Variants in DARS1 observed in about 807,000 individuals in gnomAD.
DARS1 encodes aspartyl-tRNA synthetase 1.
Under a neutral mutation model 68.8 loss-of-function variants are expected in DARS1, and 51 were observed. The ratio of observed to expected loss-of-function variants is 0.74; its 90% confidence interval spans 0.59 to 0.94. The LOEUF (loss-of-function observed/expected upper bound fraction) is 0.94, where lower values mean the gene tolerates loss of function less well. Ranked by LOEUF, DARS1 falls within the 40% of genes least tolerant of loss-of-function variation. The probability of loss-of-function intolerance (pLI) is 0.00; values close to 1 mark genes in which losing one functional copy is unlikely to be tolerated. For synonymous variants in DARS1, 203 were observed against 190.4 expected (o/e 1.07, Z -0.55); for missense variants, 607 against 597.3 (o/e 1.02, Z -0.17).
chr2:135,908,017 T>C lies in DARS1; in HGVS notation c.1415-610A>G, dbSNP rs140727443. 3.9e-5 allele frequency among the ~76,000 whole-genome samples: 6 copies of C among 152,292 alleles called. No individual in the cohort carries two copies. The East Asian group carries it at 1.2e-3, about 29-fold the overall frequency. ...AATGAAAAAGCTCTTCAGGTATTGA[T>C]AGGAAACAAGTTACAAGATACATTA... is the stretch of plus-strand genomic sequence containing the variant. On this transcript the variant is annotated intron_variant, in intron 15 of 15. Coordinates refer to ENST00000264161, the MANE Select transcript of DARS1 (RefSeq NM_001349.4).
In DARS1 at chr2:135,985,602, C is replaced by A; in HGVS notation, c.-134G>T. The A allele has an allele frequency of 6.6e-7, 1 of 1,524,284 alleles. No individual in the cohort carries two copies. Among genetic ancestry groups the A allele is most frequent in the South Asian group, 1.2e-5 (1 of 82,726 alleles). 94.4% of individuals were successfully genotyped at this position (1,524,284 alleles called of 1,614,324 possible). A position where few individuals can be genotyped will look rare whatever the true frequency, so the allele number is the denominator to read the frequency against. On this transcript the variant is annotated 5_prime_UTR_variant, in exon 1 of 16. Coordinates refer to ENST00000264161, the MANE Select transcript of DARS1 (RefSeq NM_001349.4). ...TCTCAGCACACGCGCTCGGACTCCG[C>A]GTGGAGGTGCGGCTCCAGAAAGATC...
At chr2:135,965,198 C>T (rs1428986476) in intron 3 of DARS1, among the ~76,000 whole-genome samples, 1 of 151,934 alleles carries the variant, frequency 6.6e-6, no homozygotes, top group African/African-American at 2.4e-5. Flanking sequence ...GAATATTAAA[C>T]TATATCACGG....
chr2:135,941,025 G>C (rs894270033), intron 5 of DARS1, among the ~76,000 whole-genome samples: 21 of 152,286 alleles, frequency 1.4e-4, no homozygotes, highest in Admixed American at 6.5e-4. Flanking sequence ...ACAAACAAAT[G>C]GAAGAACATT....
At position 135,907,238 on chromosome 2, in the gene DARS1, C is replaced by CTTTTTTTTTT. The variant is rs869183598; in HGVS notation, c.*77_*78insAAAAAAAAAA. 1.4e-3 allele frequency: 986 copies of CTTTTTTTTTT among 725,048 alleles called. 21 individuals are homozygous for CTTTTTTTTTT. Among genetic ancestry groups the CTTTTTTTTTT allele is most frequent in the Middle Eastern group, 4.3e-3 (10 of 2,310 alleles). 44.9% of individuals were successfully genotyped at this position (725,048 alleles called of 1,614,324 possible). ...AGGTTACTGAAAAGAATAAGTGTGGCTTTCTTTTTTTTTTTTTTTTTTTGA... is the reference window on the plus strand; with the variant it reads ...AGGTTACTGAAAAGAATAAGTGTGGCTTTTTTTTTTTTTCTTTTTTTTTTTTTTTTTTTGA... On this transcript the variant is annotated 3_prime_UTR_variant, in exon 16 of 16. Coordinates refer to ENST00000264161, the MANE Select transcript of DARS1 (RefSeq NM_001349.4).
At chr2:135,957,418 G>A (rs958459133) in intron 4 of DARS1, among the ~76,000 whole-genome samples, 6 of 151,896 alleles carry the variant, frequency 4.0e-5, no homozygotes, top group African/African-American at 1.5e-4. Context: ...TAGTAGAGAC[G>A]GGTGTTAGCC....
intron 10 of DARS1, among the ~76,000 whole-genome samples, chr2:135,920,241 G>A (rs1261728546): frequency 6.6e-6 from 1 of 152,156 alleles, no homozygotes; most frequent in Admixed American, 6.5e-5. Context: ...CACAATAGAG[G>A]TTAATTAGTT....
chr2:135,934,111 C>T, intron 5 of DARS1, 121 bp from the exon 6 acceptor site: 3 of 1,402,414 alleles, frequency 2.1e-6, no homozygotes, highest in Non-Finnish European at 2.8e-6. Context: ...TTAATTGAAA[C>T]TACTTGCTGA....
intron 5 of DARS1, among the ~76,000 whole-genome samples, chr2:135,940,672 C>G (rs147081885): frequency 0.014 from 2,123 of 152,004 alleles, 43 homozygotes; most frequent in African/African-American, 0.038. Context: ...CAATCAGGCA[C>G]GAGAAAGGAA....
chr2:135,955,346 A>C (rs554490792), intron 4 of DARS1, among the ~76,000 whole-genome samples: 75 of 152,156 alleles, frequency 4.9e-4, no homozygotes, highest in African/African-American at 1.8e-3. Flanking sequence ...CTTACTATAT[A>C]CTCAATGATA....
At chr2:135,966,380 A>G (rs1682236730) in intron 3 of DARS1, among the ~76,000 whole-genome samples, 1 of 152,230 alleles carries the variant, frequency 6.6e-6, no homozygotes, top group African/African-American at 2.4e-5. Flanking sequence ...TTCTCACTTG[A>G]AAAGCTGGTA....
At chr2:135,938,872 T>A (rs1335890670) in intron 5 of DARS1, among the ~76,000 whole-genome samples, 2 of 152,050 alleles carry the variant, frequency 1.3e-5, no homozygotes, top group East Asian at 3.8e-4. Flanking sequence ...TAGTCTCTGA[T>A]AAAACAGACT....
At chr2:135,946,619 A>C (rs1681728996) in intron 4 of DARS1, among the ~76,000 whole-genome samples, 1 of 152,192 alleles carries the variant, frequency 6.6e-6, no homozygotes, top group African/African-American at 2.4e-5. Flanking sequence ...AACCCTGAGA[A>C]ATGGCTACCG....
intron 9 of DARS1, among the ~76,000 whole-genome samples, chr2:135,921,802 G>A (rs1318958762): frequency 1.3e-5 from 2 of 152,102 alleles, no homozygotes; most frequent in East Asian, 3.8e-4. Flanking sequence ...GGTAATCTGT[G>A]TGCATATTAA....
intron 4 of DARS1, among the ~76,000 whole-genome samples, chr2:135,952,474 A>G (rs1486051705): frequency 6.6e-6 from 1 of 152,158 alleles, no homozygotes; most frequent in African/African-American, 2.4e-5. Context: ...TGTTAACCAT[A>G]GTTACCCTAC....
intron 3 of DARS1, among the ~76,000 whole-genome samples, chr2:135,969,984 T>C (rs1338797774): frequency 2.0e-5 from 3 of 152,190 alleles, no homozygotes; most frequent in Non-Finnish European, 2.9e-5. Flanking sequence ...AAACAAAGCA[T>C]ATCTAAACAC....
intron 3 of DARS1, among the ~76,000 whole-genome samples, chr2:135,970,360 T>C (rs925387410): frequency 1.5e-4 from 23 of 149,620 alleles, no homozygotes; most frequent in African/African-American, 5.4e-4. Flanking sequence ...TATAAACACA[T>C]GGAAATTAAA....
At chr2:135,973,237 A>G (rs186243890) in intron 3 of DARS1, among the ~76,000 whole-genome samples, 1,590 of 152,344 alleles carry the variant, frequency 0.01, 25 homozygotes, top group South Asian at 0.019. Flanking sequence ...AGTACTATCC[A>G]GCCATAAAAA....
At chr2:135,945,420 G>A (rs999199471) in intron 4 of DARS1, among the ~76,000 whole-genome samples, 1 of 152,116 alleles carries the variant, frequency 6.6e-6, no homozygotes, top group Admixed American at 6.5e-5. Context: ...GAGCCATCGC[G>A]CCCGGCCCAA....
chr2:135,920,699 T>C (rs966765691), intron 9 of DARS1, 99 bp from the exon 10 acceptor site: 2 of 1,399,640 alleles, frequency 1.4e-6, no homozygotes, highest in Non-Finnish European at 1.9e-6. Flanking sequence ...ATTCCAGTGG[T>C]ATTATTTTCA....
Sources: allele counts gnomAD v4.1 joint callset (sites outside exome capture counted in the v4.1 genomes callset), GRCh38; gene constraint gnomAD v4.1.1; transcripts MANE v1.5; gene names NCBI Gene and HGNC (gene_info 2026-07-23, HGNC 2026-07-21).